The following CBFB variants were observed in gnomAD, a reference collection of about 807,000 sequenced individuals.
CBFB encodes the protein core-binding factor subunit beta.
CBFB carries 9 observed loss-of-function variants against 30.4 expected under a neutral mutation model. The observed-to-expected ratio is 0.30, with a 90% CI of 0.18 to 0.52. The LOEUF is 0.52. Ranked by LOEUF, CBFB falls within the 20% of genes least tolerant of loss-of-function variation. CBFB has a pLI of 0.97. For missense variants in CBFB, 170 were observed against 244.0 expected (o/e 0.70, Z 2.02); for synonymous variants, 94 against 84.0 (o/e 1.12, Z -0.65).
chr16:67,073,122 C>T (rs1028552240), intron 4 of CBFB, among the ~76,000 whole-genome samples: 7 of 152,084 alleles, frequency 4.6e-5, no homozygotes, highest in African/African-American at 7.2e-5. Context: ...CTGTAAACTA[C>T]GTAAAAAATT....
At chr16:67,069,788 G>A (rs1961167206) in intron 4 of CBFB, among the ~76,000 whole-genome samples, 2 of 152,276 alleles carry the variant, frequency 1.3e-5, no homozygotes, top group South Asian at 4.1e-4. Context: ...AATCATAGAG[G>A]CTAGAAAGTT....
At chr16:67,093,342 A>G (rs1275434377) in intron 5 of CBFB, 1 of 142,040 alleles carries the variant, frequency 7.0e-6, no homozygotes, top group Non-Finnish European at 1.5e-5. Context: ...TTGTTAGGGA[A>G]TTTTCCCATG....
At chr16:67,082,469 G>A in intron 5 of CBFB, 161 bp downstream of exon 5, 1 of 709,908 alleles carries the variant, frequency 1.4e-6, no homozygotes, top group Non-Finnish European at 2.1e-6. Context: ...AAATGTAATT[G>A]CTATAAAGAA....
intron 3 of CBFB, among the ~76,000 whole-genome samples, chr16:67,049,640 C>G (rs1168231057): frequency 1.3e-5 from 2 of 151,980 alleles, no homozygotes; most frequent in Non-Finnish European, 2.9e-5. Context: ...TGCCACCGCA[C>G]CAGCTGTTTT....
chr16:67,093,100 C>T (rs530475306), intron 5 of CBFB, among the ~76,000 whole-genome samples: 1 of 152,226 alleles, frequency 6.6e-6, no homozygotes, highest in African/African-American at 2.4e-5. Flanking sequence ...CACGTGCTAC[C>T]ATGCCCAACT....
At chr16:67,047,416 A>G (rs1248734946) in intron 3 of CBFB, among the ~76,000 whole-genome samples, 1 of 152,206 alleles carries the variant, frequency 6.6e-6, no homozygotes, top group Admixed American at 6.5e-5. Context: ...CCTTTTACCC[A>G]TGTATGCAGT....
chr16:67,070,436 C>T (rs1431988492), intron 4 of CBFB, among the ~76,000 whole-genome samples: 1 of 152,144 alleles, frequency 6.6e-6, no homozygotes, highest in Non-Finnish European at 1.5e-5. Flanking sequence ...TAATGAATTT[C>T]CAATTCTTTC....
At chr16:67,074,270 A>T (rs1961323386) in intron 4 of CBFB, among the ~76,000 whole-genome samples, 1 of 152,166 alleles carries the variant, frequency 6.6e-6, no homozygotes, top group Non-Finnish European at 1.5e-5. Flanking sequence ...TCTTCAGTAA[A>T]TGATGCTGGG....
At chr16:67,097,840 A>G (rs1962098784) in intron 5 of CBFB, among the ~76,000 whole-genome samples, 1 of 152,054 alleles carries the variant, frequency 6.6e-6, no homozygotes, top group African/African-American at 2.4e-5. Context: ...AGGCAGGAGG[A>G]TTGGTTTAGT....
intron 5 of CBFB, among the ~76,000 whole-genome samples, chr16:67,083,835 G>A (rs1044302546): frequency 6.6e-6 from 1 of 151,928 alleles, no homozygotes; most frequent in Admixed American, 6.6e-5. Flanking sequence ...AATATTCAAA[G>A]TATATACAAA....
At chr16:67,069,379 AAAAG>A (rs949933758) in intron 4 of CBFB, among the ~76,000 whole-genome samples, 2 of 152,142 alleles carry the variant, frequency 1.3e-5, no homozygotes, top group African/African-American at 4.8e-5. Flanking sequence ...CAAAAAAAAA[AAAAG>A]AAATTCTGGA....
intron 3 of CBFB, among the ~76,000 whole-genome samples, chr16:67,053,243 T>C (rs1167168849): frequency 6.7e-6 from 1 of 148,194 alleles, no homozygotes; most frequent in Non-Finnish European, 1.5e-5. Context: ...AATGTCACTT[T>C]CTCTCTTTTT....
Position 67,029,348 on chromosome 16 carries a change from C to A in CBFB, c.-60C>A. On this transcript the variant is annotated 5_prime_UTR_variant, in exon 1 of 6. Coordinates refer to ENST00000412916, the MANE Select transcript of CBFB (RefSeq NM_022845.3). ...GGTCAGTCGGTCAGCGCGGAGCCAG[C>A]CAGCGGGTGCCCGCGCAAGCCCCGA... 1.6e-6 allele frequency: 2 copies of A among 1,265,980 alleles called. No individual in the cohort carries two copies. The highest frequency in any genetic ancestry group is 2.1e-6 in the Non-Finnish European group (2 of 959,932). The allele number at this position is 1,265,980 out of a possible 1,614,324, so 78.4% of individuals were successfully genotyped here.
At chr16:67,075,316 T>A (rs2145762072) in intron 4 of CBFB, among the ~76,000 whole-genome samples, 1 of 150,956 alleles carries the variant, frequency 6.6e-6, no homozygotes, top group Non-Finnish European at 1.5e-5. Context: ...CGAAAGACAT[T>A]TAACAGGCAG....
At chr16:67,031,701 C>CAAAAA in intron 2 of CBFB, among the ~76,000 whole-genome samples, 1 of 152,006 alleles carries the variant, frequency 6.6e-6, no homozygotes, top group Admixed American at 6.6e-5. Flanking sequence ...TTAGTAGAGA[C>CAAAAA]GGGGTTTCAC....
chr16:67,071,479 AAG>A (rs777743569), intron 4 of CBFB, among the ~76,000 whole-genome samples: 1 of 152,230 alleles, frequency 6.6e-6, no homozygotes, highest in Non-Finnish European at 1.5e-5. Context: ...GCATGCCAGA[AAG>A]AGGTTCCTCA....
At chr16:67,040,123 C>T (rs1966505436) in intron 3 of CBFB, among the ~76,000 whole-genome samples, 1 of 152,196 alleles carries the variant, frequency 6.6e-6, no homozygotes, top group Non-Finnish European at 1.5e-5. Context: ...GGAGCTCAGA[C>T]TGTGGGGTCT....
chr16:67,077,627 G>T (rs557548325), intron 4 of CBFB, among the ~76,000 whole-genome samples: 4 of 152,216 alleles, frequency 2.6e-5, no homozygotes, highest in South Asian at 4.2e-4. Flanking sequence ...TCGATATTTT[G>T]TGCAAATTAG....
At chr16:67,095,210 C>CA (rs71145959) in intron 5 of CBFB, among the ~76,000 whole-genome samples, 11,599 of 27,018 alleles carry the variant, frequency 0.43, 3,440 homozygotes, top group Non-Finnish European at 0.56. Flanking sequence ...AAGTGTGTCT[C>CA]AAAAAAAAAA....
Sources: allele counts gnomAD v4.1 joint callset (sites outside exome capture counted in the v4.1 genomes callset), GRCh38; gene constraint gnomAD v4.1.1; transcripts MANE v1.5; gene names NCBI Gene and HGNC (gene_info 2026-07-23, HGNC 2026-07-21).